BICRA: variants seen among roughly 807,000 people sequenced by gnomAD.
BICRA encodes BRD4-interacting chromatin-remodeling complex-associated protein.
BICRA carries 31 observed loss-of-function variants against 96.9 expected under a neutral mutation model. That is an observed-to-expected ratio of 0.32 (90% CI 0.24 to 0.43). BICRA has a LOEUF of 0.43. BICRA is among the 20% of genes least tolerant of loss of function. The probability of loss-of-function intolerance (pLI) is 1.00; values close to 1 mark genes in which losing one functional copy is unlikely to be tolerated. For synonymous variants in BICRA, 1,350 were observed against 1,071.8 expected (o/e 1.26, Z -5.07); for missense variants, 2,283 against 2,190.3 (o/e 1.04, Z -0.84).
chr19:47,702,218 A>G lies in BICRA; in HGVS notation c.4486A>G (p.Thr1496Ala), dbSNP rs961758174. The change falls in exon 15 of 15, where the codon ACG (threonine) becomes GCG (alanine). Residue 1496 changes from threonine to alanine, a missense_variant. By Grantham distance (58) the Thr-to-Ala change is moderately conservative. Transcript: ENST00000594866. ...SFSSDSPQDD[T>A]LTEHLQSAID... ...CTCCAGCGACAGCCCGCAGGATGAC[A>G]CGCTCACCGAGCACCTGCAGAGCGC... 6.3e-7 allele frequency: 1 copy of G among 1,598,182 alleles called. No individual in the cohort carries two copies. Among genetic ancestry groups the G allele is most frequent in the African/African-American group, 1.3e-5 (1 of 74,184 alleles).
chr19:47,694,107 C>A lies in BICRA; in HGVS notation c.2284-8C>A. 6.7e-7 allele frequency: 1 copy of A among 1,488,232 alleles called. No homozygotes were observed. Among genetic ancestry groups the A allele is most frequent in the Non-Finnish European group, 8.9e-7 (1 of 1,118,386 alleles). The allele number at this position is 1,488,232 out of a possible 1,614,324, so 92.2% of individuals were successfully genotyped here. On this transcript the variant is annotated splice_polypyrimidine_tract_variant and splice_region_variant and intron_variant, in intron 7 of 14. Transcript: ENST00000594866. ...CGCCCCTCCCCTCTCCCTCCCTCCC[C>A]TGCCCAGATCCCGGCAGCGGCTCCG...
chr19:47,696,766 C>T (rs950245208), intron 11 of BICRA, among the ~76,000 whole-genome samples: 3 of 152,178 alleles, frequency 2.0e-5, no homozygotes, highest in Non-Finnish European at 4.4e-5. Flanking sequence ...TTTGGTCCAT[C>T]CTGGTTGTTG....
intron 1 of BICRA, among the ~76,000 whole-genome samples, chr19:47,629,194 G>A (rs912620152): frequency 8.6e-5 from 13 of 151,654 alleles, no homozygotes; most frequent in African/African-American, 2.4e-4. Context: ...TAGTAGAGAC[G>A]GGGTTTCACC....
intron 6 of BICRA, 116 bp from the exon 7 acceptor site, chr19:47,681,860 C>T: frequency 1.4e-6 from 1 of 733,494 alleles, no homozygotes. Context: ...TGCCAGGCTG[C>T]CCACTACCCC....
chr19:47,621,457 T>A (rs1311750005), intron 1 of BICRA, among the ~76,000 whole-genome samples: 2 of 151,734 alleles, frequency 1.3e-5, no homozygotes, highest in African/African-American at 4.8e-5. Flanking sequence ...GTATTTAAAA[T>A]TTTTTAGTCT....
At position 47,694,656 on chromosome 19, in the gene BICRA, C is replaced by T; in HGVS notation, c.2825C>T (p.Thr942Ile). Residue 942 changes from threonine to isoleucine, a missense_variant, in exon 8 of 15, where the codon ACC becomes ATC. By Grantham distance (89) the Thr-to-Ile change is moderately conservative. Transcript: ENST00000594866. ...GCACCCCCCCCACCGCCTCCTCGGA[C>T]CTTCCAGATGGTGACCACCCCCTTC... ...PAAPPPPPPRTFQMVTTPFPA... is the reference protein window; with the variant it reads ...PAAPPPPPPRIFQMVTTPFPA... The T allele has an allele frequency of 6.3e-7, 1 of 1,594,752 alleles. No individual in the cohort carries two copies.
At chr19:47,639,495 A>AT (rs1348445768) in intron 1 of BICRA, among the ~76,000 whole-genome samples, 1 of 150,916 alleles carries the variant, frequency 6.6e-6, no homozygotes, top group Admixed American at 6.6e-5. Flanking sequence ...CACCAGGCTA[A>AT]TTTTTTAGTA....
At chr19:47,659,111 G>C (rs1486421305) in intron 1 of BICRA, among the ~76,000 whole-genome samples, 1 of 152,162 alleles carries the variant, frequency 6.6e-6, no homozygotes, top group East Asian at 1.9e-4. Context: ...AGCGTCGAAT[G>C]GTGAAAAGGG....
At chr19:47,660,246 G>A (rs1599828235) in intron 1 of BICRA, among the ~76,000 whole-genome samples, 1 of 152,054 alleles carries the variant, frequency 6.6e-6, no homozygotes, top group Non-Finnish European at 1.5e-5. Context: ...TCCTTGGCTC[G>A]TAGCCACGTG....
chr19:47,660,218 C>T (rs142364612), intron 1 of BICRA, among the ~76,000 whole-genome samples: 524 of 152,062 alleles, frequency 3.4e-3, no homozygotes, highest in Non-Finnish European at 6.3e-3. Flanking sequence ...CTGGTCCAGC[C>T]CCCGGAGCTC....
Position 47,681,223 on chromosome 19 carries a change from G to A in BICRA, c.2053G>A (p.Ala685Thr). Residue 685 changes from alanine to threonine, a missense_variant, in exon 6 of 15, where the codon GCC becomes ACC. Coordinates refer to ENST00000594866, the MANE Select transcript of BICRA (RefSeq NM_001394372.1). The stretch of plus-strand genomic sequence containing the variant: ...GATCGTCCTGGGGCAGCCGCCCTCT[G>A]CCACCCCCACGGCCATCCTCACTCA... ...EKIVLGQPPS[A>T]TPTAILTQDS... 1 of 1,536,332 alleles carries A rather than the reference G, an allele frequency of 6.5e-7. No individual in the cohort carries two copies. Among genetic ancestry groups the A allele is most frequent in the Non-Finnish European group, 8.7e-7 (1 of 1,146,766 alleles).
intron 1 of BICRA, chr19:47,626,093 G>C (rs1427400748): frequency 6.6e-6 from 1 of 152,450 alleles, no homozygotes; most frequent in African/African-American, 2.4e-5. Flanking sequence ...GGGTTCAGGA[G>C]GGGTGGGGAG....
At chr19:47,664,091 G>A (rs1416544893) in intron 1 of BICRA, among the ~76,000 whole-genome samples, 3 of 152,180 alleles carry the variant, frequency 2.0e-5, no homozygotes, top group African/African-American at 7.2e-5. Context: ...ATGGTGTTTT[G>A]AAAAGCAACA....
intron 7 of BICRA, among the ~76,000 whole-genome samples, chr19:47,685,230 C>G (rs1171372055): frequency 6.6e-6 from 1 of 151,850 alleles, no homozygotes; most frequent in African/African-American, 2.4e-5. Context: ...TAGTAATCCT[C>G]CCACCTTGGC....
In BICRA at chr19:47,698,755, C is replaced by T; in HGVS notation, c.3370C>T (p.Leu1124Phe). 1 of 1,608,910 alleles carries T rather than the reference C, an allele frequency of 6.2e-7. No individual in the cohort carries two copies. The highest frequency in any genetic ancestry group is 1.1e-5 in the South Asian group (1 of 90,520). ...LLPYHVYQGALPSPSDYHKVD... is the reference protein window; with the variant it reads ...LLPYHVYQGAFPSPSDYHKVD... ...GCCCTACCATGTCTACCAGGGCGCC[C>T]TCCCCTCCCCCAGTGACTACCACAA... is the stretch of plus-strand genomic sequence containing the variant. The change falls in exon 12 of 15, where the codon CTC becomes TTC. Residue 1124 changes from leucine (L) to phenylalanine (F), a missense_variant. Leu to Phe is a conservative substitution (Grantham distance 22). Transcript: ENST00000594866. The surrounding 1 kb of genome is among the most constrained non-coding windows in gnomAD (Gnocchi z 4.8).
chr19:47,646,172 G>T (rs1395280448), intron 1 of BICRA, among the ~76,000 whole-genome samples: 1 of 152,050 alleles, frequency 6.6e-6, no homozygotes, highest in East Asian at 1.9e-4. Flanking sequence ...TGCATTTTGG[G>T]ATCTGGCAGG....
Position 47,675,950 on chromosome 19 carries a change from T to C in BICRA, c.150+34T>C. On this transcript the variant is annotated intron_variant, in intron 5 of 14. Coordinates refer to ENST00000594866, the MANE Select transcript of BICRA (RefSeq NM_001394372.1). This position sits in a 1 kb window ranked among gnomAD's most constrained non-coding sequence, Gnocchi z 4.7. ...CGTGGCTCCCGATCATTGCCTGAGC[T>C]GTTGGGGCTGCCAGCGGGAGGAGGG... 1 of 1,500,792 alleles carries C rather than the reference T, an allele frequency of 6.7e-7. No individual in the cohort carries two copies. The highest frequency in any genetic ancestry group is 9.2e-7 in the Non-Finnish European group (1 of 1,091,428). The allele number at this position is 1,500,792 out of a possible 1,614,324, so 93.0% of individuals were successfully genotyped here.
intron 1 of BICRA, among the ~76,000 whole-genome samples, chr19:47,669,468 T>C (rs1243392162): frequency 1.3e-5 from 2 of 152,034 alleles, no homozygotes; most frequent in African/African-American, 2.4e-5. Flanking sequence ...TAGCAAGAAT[T>C]GGCTGTATTT....
intron 7 of BICRA, among the ~76,000 whole-genome samples, chr19:47,693,550 C>T (rs999010178): frequency 1.3e-5 from 2 of 152,252 alleles, no homozygotes; most frequent in Admixed American, 6.5e-5. Flanking sequence ...TCCGTATTCT[C>T]GGCAGCCCCC....
Sources: allele counts gnomAD v4.1 joint callset (sites outside exome capture counted in the v4.1 genomes callset), GRCh38; gene constraint gnomAD v4.1.1; non-coding constraint Gnocchi (gnomAD v3.1); transcripts MANE v1.5; gene names NCBI Gene and HGNC (gene_info 2026-07-23, HGNC 2026-07-21).